PTPRT: variants seen among roughly 807,000 people sequenced by gnomAD.
PTPRT encodes the protein receptor-type tyrosine-protein phosphatase T.
In PTPRT, 56 loss-of-function variants were observed where a neutral mutation model predicts 176.8. The ratio of observed to expected loss-of-function variants is 0.32; its 90% CI spans 0.26 to 0.40. The LOEUF (loss-of-function observed/expected upper bound fraction) is 0.40. Ranked by LOEUF, PTPRT falls within the 10% of genes least tolerant of loss-of-function variation. The probability of loss-of-function intolerance (pLI) is 1.00; values close to 1 mark genes in which losing one functional copy is unlikely to be tolerated. For synonymous variants in PTPRT, 783 were observed against 739.0 expected (o/e 1.06, Z -0.96); for missense variants, 1,540 against 1,908.2 (o/e 0.81, Z 3.60).
chr20:43,123,118 T>C (rs1405252381), intron 1 of PTPRT, among the ~76,000 whole-genome samples: 2 of 152,202 alleles, frequency 1.3e-5, no homozygotes, highest in Non-Finnish European at 2.9e-5. Context: ...CCTCCCAAAG[T>C]GCTGGGATTA....
chr20:42,658,120 A>C (rs3091482), intron 7 of PTPRT, among the ~76,000 whole-genome samples: 18,963 of 152,180 alleles, frequency 0.12, 1,462 homozygotes, highest in African/African-American at 0.21. Flanking sequence ...GAATTACTGA[A>C]TATTGAACCC....
At chr20:42,342,045 C>T (rs951344144) in intron 11 of PTPRT, among the ~76,000 whole-genome samples, 3 of 152,162 alleles carry the variant, frequency 2.0e-5, no homozygotes, top group Non-Finnish European at 4.4e-5. Flanking sequence ...GAAGTGAATG[C>T]AAACCCACCT....
chr20:43,146,908 T>C (rs2014186944), intron 1 of PTPRT, among the ~76,000 whole-genome samples: 1 of 152,058 alleles, frequency 6.6e-6, no homozygotes, highest in South Asian at 2.1e-4. Flanking sequence ...TCATCCTAAG[T>C]CCCCTAAAAG....
At chr20:42,849,744 G>A (rs1292830356) in intron 2 of PTPRT, among the ~76,000 whole-genome samples, 2 of 152,124 alleles carry the variant, frequency 1.3e-5, no homozygotes, top group Admixed American at 6.5e-5. Context: ...TCACTCTAGG[G>A]ATTACATGAG....
the PTPRT span, among the ~76,000 whole-genome samples, chr20:42,037,888 C>A: frequency 6.6e-6 from 1 of 152,140 alleles, no homozygotes; most frequent in Non-Finnish European, 1.5e-5. Flanking sequence ...AGGCCTGATG[C>A]TAGGTGGGGT....
At chr20:42,337,223 CA>C (rs1257968137) in intron 11 of PTPRT, among the ~76,000 whole-genome samples, 1 of 152,186 alleles carries the variant, frequency 6.6e-6, no homozygotes, top group Non-Finnish European at 1.5e-5. Context: ...GAAGTCATTC[CA>C]AGCTGTAGTT....
At chr20:42,482,886 C>A (rs2071410626) in intron 7 of PTPRT, among the ~76,000 whole-genome samples, 2 of 152,110 alleles carry the variant, frequency 1.3e-5, no homozygotes, top group African/African-American at 2.4e-5. Context: ...GACATAATTC[C>A]TGCCTCCTTT....
At chr20:42,502,848 T>C (rs2071776105) in intron 7 of PTPRT, among the ~76,000 whole-genome samples, 1 of 152,104 alleles carries the variant, frequency 6.6e-6, no homozygotes, top group African/African-American at 2.4e-5. Context: ...TGTTATGTTA[T>C]ACACATCTTC....
At chr20:42,090,357 A>T (rs1984481618) in intron 27 of PTPRT, among the ~76,000 whole-genome samples, 1 of 151,096 alleles carries the variant, frequency 6.6e-6, no homozygotes, top group Non-Finnish European at 1.5e-5. Context: ...GATGAGTAGC[A>T]TCCTAGATAT....
In PTPRT at chr20:43,083,362, AT is replaced by A. The variant is rs1568774319; in HGVS notation, c.88+106283del. ...TATATATATATATATATATATATAT[AT>A]ATATATACATTTTTTGAGACAGAGT... On this transcript the variant is annotated intron_variant, in intron 1 of 30. Transcript: ENST00000373187. 2.1e-3 allele frequency among the ~76,000 whole-genome samples: 265 copies of A among 125,720 alleles called. 5 individuals carry two copies. The highest frequency in any genetic ancestry group is 8.7e-3 in the African/African-American group (252 of 28,918). 82.5% of individuals were successfully genotyped at this position (125,720 alleles called of 152,430 possible).
At chr20:42,362,934 C>T (rs527508879) in intron 9 of PTPRT, among the ~76,000 whole-genome samples, 15 of 151,556 alleles carry the variant, frequency 9.9e-5, no homozygotes, top group East Asian at 3.9e-4. Context: ...GGTGAAACCC[C>T]GTCTCCAATA....
intron 8 of PTPRT, among the ~76,000 whole-genome samples, chr20:42,453,070 G>A (rs185644259): frequency 1.9e-4 from 29 of 152,124 alleles, no homozygotes; most frequent in African/African-American, 4.8e-4. Flanking sequence ...TTTCTCTATC[G>A]CATTAAAATG....
chr20:42,885,915 C>A lies in PTPRT; in HGVS notation c.106G>T (p.Glu36Ter). Residue 36 changes from glutamate (E) to a stop codon, truncating the protein, a stop_gained, in exon 2 of 31, where the codon GAG becomes TAG. Coordinates refer to ENST00000373187, the MANE Select transcript of PTPRT (RefSeq NM_007050.6). LOFTEE classifies it high-confidence loss of function. ...CTATAACCACAGTTGCTGTAGTGCT[C>A]ATCAAAGGAACAGCCACCTGTAGAC... ...QSAAGGCSFD[E>*]HYSNCGYSVA... 1 of 1,608,332 alleles carries A rather than the reference C, an allele frequency of 6.2e-7. No homozygotes were observed. The highest frequency in any genetic ancestry group is 1.1e-5 in the South Asian group (1 of 90,836).
At chr20:42,159,380 GT>G (rs943308661) in intron 17 of PTPRT, among the ~76,000 whole-genome samples, 44 of 134,504 alleles carry the variant, frequency 3.3e-4, no homozygotes, top group East Asian at 1.5e-3. Flanking sequence ...ATAGAATCTT[GT>G]TTTTTTTTTC....
At chr20:42,111,188 C>G (rs1406022782) in intron 22 of PTPRT, among the ~76,000 whole-genome samples, 1 of 152,198 alleles carries the variant, frequency 6.6e-6, no homozygotes. Flanking sequence ...ATTCCATGGC[C>G]AGGTCACACT....
Position 42,086,726 on chromosome 20 carries a change from CAAA to C in PTPRT, c.3847-876_3847-874del, listed in dbSNP as rs367948746. Reference sequence around the variant, plus strand: ...TGGGTGACACAGCGAGACTCCATCTCAAAAAAAAAAAAAAAAAAAAAAAAAAAA... The same window carrying C: ...TGGGTGACACAGCGAGACTCCATCTCAAAAAAAAAAAAAAAAAAAAAAAAA... On this transcript the variant is annotated intron_variant, in intron 27 of 30. Coordinates refer to ENST00000373187, the MANE Select transcript of PTPRT (RefSeq NM_007050.6). Among the ~76,000 whole-genome samples the C allele has an allele frequency of 6.0e-3, 490 of 82,110 alleles. 26 individuals carry two copies. The highest frequency in any genetic ancestry group is 0.017 in the African/African-American group (275 of 16,164). 53.9% of individuals were successfully genotyped at this position (82,110 alleles called of 152,430 possible).
intron 12 of PTPRT, among the ~76,000 whole-genome samples, chr20:42,288,690 A>G (rs1364526211): frequency 6.6e-6 from 1 of 151,974 alleles, no homozygotes; most frequent in African/African-American, 2.4e-5. Context: ...TGCAGAGGAC[A>G]TGGTTTTATT....
At chr20:42,501,877 C>A (rs2071756521) in intron 7 of PTPRT, among the ~76,000 whole-genome samples, 2 of 151,370 alleles carry the variant, frequency 1.3e-5, no homozygotes. Context: ...TTTTTTTGTC[C>A]TGGTGTGGTT....
chr20:43,043,120 C>G (rs1259422779), intron 1 of PTPRT, among the ~76,000 whole-genome samples: 1 of 152,108 alleles, frequency 6.6e-6, no homozygotes, highest in East Asian at 1.9e-4. Flanking sequence ...GAAAAGGAAG[C>G]CTTCTTTTGC....
Sources: gnomAD v4.1 joint callset for allele counts (sites outside exome capture counted in the v4.1 genomes callset) on GRCh38, gnomAD v4.1.1 for gene constraint, MANE v1.5 for transcripts, NCBI Gene and HGNC (gene_info 2026-07-23, HGNC 2026-07-21) for gene names.